Variants in CHIC2 observed in about 807,000 individuals in gnomAD.
The protein encoded by CHIC2 is cysteine-rich hydrophobic domain-containing protein 2.
A neutral mutation model predicts 25.9 loss-of-function variants in CHIC2; 14 were observed. That is an observed-to-expected ratio of 0.54 (90% confidence interval 0.36 to 0.85). CHIC2 has a LOEUF of 0.85. CHIC2 is among the 40% of genes least tolerant of loss of function. The pLI is 0.01. For missense variants in CHIC2, 146 were observed against 202.0 expected (o/e 0.72, Z 1.68); for synonymous variants, 70 against 72.0 (o/e 0.97, Z 0.14).
chr4:54,069,108 C>T (rs1374599273), upstream of CHIC2, among the ~76,000 whole-genome samples: 1 of 152,132 alleles, frequency 6.6e-6, no homozygotes, highest in East Asian at 1.9e-4. Flanking sequence ...TTCACTGCAG[C>T]CTCAACCTCC....
At chr4:54,061,865 T>C (rs897302305) in intron 1 of CHIC2, among the ~76,000 whole-genome samples, 2 of 152,190 alleles carry the variant, frequency 1.3e-5, no homozygotes, top group East Asian at 1.9e-4. Flanking sequence ...ACACATTGCT[T>C]AGAAATGGAA....
chr4:54,085,852 A>G, the CHIC2 span, among the ~76,000 whole-genome samples: 1 of 152,192 alleles, frequency 6.6e-6, no homozygotes, highest in South Asian at 2.1e-4. Flanking sequence ...GTCTCCCACC[A>G]AAAACAAAAT....
intron 1 of CHIC2, among the ~76,000 whole-genome samples, chr4:54,058,213 C>T (rs1717230623): frequency 1.3e-5 from 2 of 152,132 alleles, no homozygotes; most frequent in Admixed American, 1.3e-4. Context: ...CAGGGTTAAA[C>T]ATCAAAATAT....
chr4:54,088,424 A>G, the CHIC2 span, among the ~76,000 whole-genome samples: 260 of 152,348 alleles, frequency 1.7e-3, 1 homozygote, highest in African/African-American at 5.7e-3. Context: ...CTTAAATAAA[A>G]TTTGTTTCTA....
At chr4:54,024,910 C>T (rs1185107998) in intron 3 of CHIC2, among the ~76,000 whole-genome samples, 1 of 152,090 alleles carries the variant, frequency 6.6e-6, no homozygotes. Context: ...CTAACAACCC[C>T]ACAATATCAC....
chr4:54,064,834 C>G (rs1412170216), upstream of CHIC2: 2 of 204,266 alleles, frequency 9.8e-6, no homozygotes, highest in Non-Finnish European at 1.7e-5. The surrounding 1 kb of genome is among the most constrained non-coding windows in gnomAD (Gnocchi z 4.2). Context: ...GCGGGCCCCC[C>G]TCCGCCGACT....
chr4:54,050,017 CAAG>C (rs1233363328), intron 1 of CHIC2, among the ~76,000 whole-genome samples: 1 of 152,022 alleles, frequency 6.6e-6, no homozygotes, highest in African/African-American at 2.4e-5. Context: ...GTAAATATAA[CAAG>C]AAGATAAAAG....
intron 3 of CHIC2, among the ~76,000 whole-genome samples, chr4:54,035,407 T>G (rs1716355821): frequency 1.3e-5 from 2 of 152,234 alleles, no homozygotes; most frequent in Non-Finnish European, 2.9e-5. Flanking sequence ...ACAAATTCAA[T>G]TTACTTAATT....
chr4:54,025,189 A>C (rs1221943957), intron 3 of CHIC2, among the ~76,000 whole-genome samples: 1 of 152,222 alleles, frequency 6.6e-6, no homozygotes, highest in African/African-American at 2.4e-5. Flanking sequence ...GATGGCCTGA[A>C]GCAACTGAAG....
chr4:54,055,655 G>A (rs542700255), intron 1 of CHIC2, among the ~76,000 whole-genome samples: 3 of 152,220 alleles, frequency 2.0e-5, no homozygotes, highest in South Asian at 2.1e-4. Flanking sequence ...GAACATATTG[G>A]TTATGCAGAT....
At chr4:54,029,890 A>G (rs1343243197) in intron 3 of CHIC2, among the ~76,000 whole-genome samples, 5 of 152,214 alleles carry the variant, frequency 3.3e-5, no homozygotes, top group African/African-American at 1.2e-4. Context: ...TTTAAGTCTT[A>G]CAAAGTTGCA....
chr4:54,045,886 T>A (rs1398103146), intron 3 of CHIC2, among the ~76,000 whole-genome samples: 1 of 152,004 alleles, frequency 6.6e-6, no homozygotes, highest in Non-Finnish European at 1.5e-5. Context: ...GACATGATTG[T>A]ATATCTAGAA....
intron 1 of CHIC2, among the ~76,000 whole-genome samples, chr4:54,053,807 T>TG (rs2110088951): frequency 6.6e-6 from 1 of 152,326 alleles, no homozygotes; most frequent in African/African-American, 2.4e-5. Context: ...TTTTATTTTT[T>TG]TGAGACAGAG....
At chr4:54,070,220 T>C in the CHIC2 span, among the ~76,000 whole-genome samples, 2 of 151,946 alleles carry the variant, frequency 1.3e-5, no homozygotes, top group African/African-American at 4.8e-5. Flanking sequence ...ACAAAGCCAG[T>C]GTGGGTGGAT....
intron 1 of CHIC2, chr4:54,059,899 C>T (rs1717280292): frequency 6.6e-6 from 1 of 152,122 alleles, no homozygotes; most frequent in African/African-American, 2.4e-5. Context: ...TGTGGAGATA[C>T]ATCAATGAAG....
At chr4:54,085,723 G>A in the CHIC2 span, among the ~76,000 whole-genome samples, 2 of 152,246 alleles carry the variant, frequency 1.3e-5, no homozygotes, top group East Asian at 1.9e-4. Flanking sequence ...TCCACAGGCC[G>A]ACAGTGGAGG....
At chr4:54,081,951 G>A in the CHIC2 span, among the ~76,000 whole-genome samples, 1 of 152,306 alleles carries the variant, frequency 6.6e-6, no homozygotes, top group African/African-American at 2.4e-5. Flanking sequence ...GATAGAGGTG[G>A]AGAAAGGTGT....
At chr4:54,077,161 A>T in the CHIC2 span, among the ~76,000 whole-genome samples, 1 of 152,214 alleles carries the variant, frequency 6.6e-6, no homozygotes, top group African/African-American at 2.4e-5. Flanking sequence ...ATCAGGATGG[A>T]CAAAATTCTA....
rs1717136736 is a variant in CHIC2, at chr4:54,055,145, A to AT, written c.120-5841dup. 2.6e-5 allele frequency among the ~76,000 whole-genome samples: 4 copies of AT among 152,158 alleles called. No homozygotes were observed. In the South Asian group the frequency reaches 6.2e-4, roughly 24 times the overall value. ...AGGGGGAAGAAAAAAATATATATAT[A>AT]TTTTTTGTAATTTAGATGGATTCTT... On this transcript the variant is annotated intron_variant, in intron 1 of 5. Coordinates refer to ENST00000263921, the MANE Select transcript of CHIC2 (RefSeq NM_012110.4).
Sources: allele counts gnomAD v4.1 joint callset (sites outside exome capture counted in the v4.1 genomes callset), GRCh38; gene constraint gnomAD v4.1.1; non-coding constraint Gnocchi (gnomAD v3.1); transcripts MANE v1.5; gene names NCBI Gene and HGNC (gene_info 2026-07-23, HGNC 2026-07-21).